Variants in NTM observed in about 807,000 individuals in gnomAD.
The protein encoded by NTM is neurotrimin, also known as IgLON family member 2.
NTM carries 13 observed loss-of-function variants against 42.1 expected under a neutral mutation model. That is an observed-to-expected ratio of 0.31 (90% CI 0.20 to 0.49). The LOEUF is 0.49. Ranked by LOEUF, NTM falls within the 20% of genes least tolerant of loss-of-function variation. The pLI is 0.99. For missense variants in NTM, 373 were observed against 452.8 expected (o/e 0.82, Z 1.60); for synonymous variants, 187 against 179.2 (o/e 1.04, Z -0.35).
intron 1 of NTM, among the ~76,000 whole-genome samples, chr11:131,716,795 T>C (rs2077737608): frequency 6.6e-6 from 1 of 152,204 alleles, no homozygotes; most frequent in Non-Finnish European, 1.5e-5. Context: ...GGCCTATTTT[T>C]CAGTATTTAT....
intron 1 of NTM, among the ~76,000 whole-genome samples, chr11:131,373,945 G>A (rs1252964122): frequency 2.0e-5 from 3 of 152,208 alleles, no homozygotes. Context: ...GGCGGTGGGC[G>A]CCGTTCGGCT....
chr11:131,522,530 G>C (rs961810576), intron 1 of NTM, among the ~76,000 whole-genome samples: 3 of 152,186 alleles, frequency 2.0e-5, no homozygotes, highest in Non-Finnish European at 2.9e-5. Context: ...GTAAAACAGA[G>C]ACATCTACCT....
At chr11:131,463,750 G>C (rs1565528165) in intron 1 of NTM, among the ~76,000 whole-genome samples, 1 of 152,288 alleles carries the variant, frequency 6.6e-6, no homozygotes, top group East Asian at 1.9e-4. Context: ...AGTCCATGTG[G>C]AATCCATGCT....
chr11:132,222,535 T>C (rs1413861043), intron 4 of NTM, among the ~76,000 whole-genome samples: 1 of 152,168 alleles, frequency 6.6e-6, no homozygotes, highest in African/African-American at 2.4e-5. Flanking sequence ...TAAAATGCTT[T>C]TCTCTCCAGA....
intron 1 of NTM, among the ~76,000 whole-genome samples, chr11:131,624,103 A>C (rs1358409638): frequency 1.5e-4 from 23 of 152,164 alleles, no homozygotes; most frequent in Admixed American, 1.5e-3. Context: ...GTGTCCTCAC[A>C]TTTGTGATTG....
intron 1 of NTM, among the ~76,000 whole-genome samples, chr11:131,741,894 A>G (rs1473796381): frequency 6.6e-6 from 1 of 152,218 alleles, no homozygotes; most frequent in Non-Finnish European, 1.5e-5. Flanking sequence ...CTATGTAGCC[A>G]TAATAAGGAC....
chr11:132,107,965 G>T (rs1417666828), intron 2 of NTM, among the ~76,000 whole-genome samples: 2 of 152,070 alleles, frequency 1.3e-5, no homozygotes, highest in Admixed American at 1.3e-4. Context: ...TGACTTATAG[G>T]TATAGTGATC....
At chr11:131,561,267 CA>C (rs1163165832) in intron 1 of NTM, among the ~76,000 whole-genome samples, 3 of 152,180 alleles carry the variant, frequency 2.0e-5, no homozygotes, top group African/African-American at 4.8e-5. Flanking sequence ...GGATGCTTGG[CA>C]AACAGAATCC....
At chr11:132,091,737 C>T (rs1292743710) in intron 2 of NTM, among the ~76,000 whole-genome samples, 1 of 152,158 alleles carries the variant, frequency 6.6e-6, no homozygotes, top group African/African-American at 2.4e-5. Flanking sequence ...CTGCCTCAGC[C>T]TCTCAAAGTT....
chr11:131,864,112 T>C (rs2046905915), intron 1 of NTM, among the ~76,000 whole-genome samples: 1 of 152,020 alleles, frequency 6.6e-6, no homozygotes, highest in African/African-American at 2.4e-5. Flanking sequence ...GATCAGTCAA[T>C]CACACAATTA....
chr11:131,422,991 G>A (rs762316223), intron 1 of NTM, among the ~76,000 whole-genome samples: 1 of 152,154 alleles, frequency 6.6e-6, no homozygotes, highest in Non-Finnish European at 1.5e-5. Context: ...TTTATTATGT[G>A]CCAGGAATTG....
chr11:132,217,390 GTATGTGTA>G, intron 4 of NTM, among the ~76,000 whole-genome samples: 1 of 140,998 alleles, frequency 7.1e-6, no homozygotes, highest in East Asian at 2.3e-4. Flanking sequence ...GTGTGTGTGT[GTATGTGTA>G]TGTGTATGTG....
At chr11:131,632,417 G>T (rs1182897396) in intron 1 of NTM, among the ~76,000 whole-genome samples, 1 of 152,012 alleles carries the variant, frequency 6.6e-6, no homozygotes, top group East Asian at 1.9e-4. Flanking sequence ...CAGTCTGAAG[G>T]TTTATAACTT....
At chr11:132,330,542 A>C (rs1159262473) in intron 8 of NTM, among the ~76,000 whole-genome samples, 2 of 152,162 alleles carry the variant, frequency 1.3e-5, no homozygotes, top group East Asian at 3.9e-4. Context: ...TTGGCCCTGC[A>C]TGCTGCCCTT....
intron 1 of NTM, among the ~76,000 whole-genome samples, chr11:131,384,974 C>A (rs992404217): frequency 6.6e-6 from 1 of 152,224 alleles, no homozygotes; most frequent in Non-Finnish European, 1.5e-5. Context: ...CTTGCCTCCA[C>A]AGTCTAAGGC....
At chr11:131,707,920 C>G (rs1421038842) in intron 1 of NTM, among the ~76,000 whole-genome samples, 1 of 151,910 alleles carries the variant, frequency 6.6e-6, no homozygotes, top group Admixed American at 6.6e-5. Flanking sequence ...TTAGACAGAG[C>G]AATTAGGCAA....
intron 1 of NTM, among the ~76,000 whole-genome samples, chr11:131,598,875 T>TCCTCCTTCCTTCCTTC (rs1174189983): frequency 5.7e-5 from 2 of 35,004 alleles, no homozygotes; most frequent in Non-Finnish European, 1.2e-4. Flanking sequence ...CTTCCTTCCT[T>TCCTCCTTCCTTCCTTC]CTTCCTTCCT....
At chr11:131,421,457 C>T (rs1947512297) in intron 1 of NTM, among the ~76,000 whole-genome samples, 1 of 152,180 alleles carries the variant, frequency 6.6e-6, no homozygotes, top group Admixed American at 6.5e-5. Flanking sequence ...TTGACCTTTT[C>T]CCACATAGAC....
intron 1 of NTM, among the ~76,000 whole-genome samples, chr11:131,758,755 C>T (rs1040398248): frequency 5.3e-5 from 8 of 151,908 alleles, no homozygotes; most frequent in Non-Finnish European, 2.9e-5. Context: ...ACCGTCCCAG[C>T]TCACTTTTGT....
Sources: allele counts gnomAD v4.1 joint callset (sites outside exome capture counted in the v4.1 genomes callset), GRCh38; gene constraint gnomAD v4.1.1; transcripts MANE v1.5; gene names NCBI Gene and HGNC (gene_info 2026-07-23, HGNC 2026-07-21).